PCDHGA11: variants seen among roughly 807,000 people sequenced by gnomAD.
PCDHGA11 encodes the protein protocadherin gamma subfamily A, 11.
PCDHGA11 carries 39 observed loss-of-function variants against 60.4 expected under a neutral mutation model. That is an observed-to-expected ratio of 0.65 (90% CI 0.50 to 0.84). The LOEUF is 0.84. PCDHGA11 is among the 40% of genes least tolerant of loss of function. PCDHGA11 has a pLI of 0.00. For missense variants in PCDHGA11, 1,165 were observed against 1,197.7 expected (o/e 0.97, Z 0.40); for synonymous variants, 533 against 510.3 (o/e 1.04, Z -0.60).
At chr5:141,437,096 C>T (rs989863634) in intron 1 of PCDHGA11, among the ~76,000 whole-genome samples, 6 of 152,122 alleles carry the variant, frequency 3.9e-5, no homozygotes, top group Non-Finnish European at 8.8e-5. Context: ...AAACTAACGG[C>T]TTAGCTTTAG....
rs558730748 is a variant in PCDHGA11, at chr5:141,469,995, G to A, written c.2434-24812G>A. Reference sequence around the variant, plus strand: ...AAAATACAAAAATTAGCTGGTCGTCGTGGCACGCCTGTAATCCCAGCTACT... The same window carrying A: ...AAAATACAAAAATTAGCTGGTCGTCATGGCACGCCTGTAATCCCAGCTACT... On this transcript the variant is annotated intron_variant, in intron 1 of 3. Coordinates refer to ENST00000398587, the MANE Select transcript of PCDHGA11 (RefSeq NM_018914.3). Among the ~76,000 whole-genome samples, 8 of 152,194 alleles carry A rather than the reference G, an allele frequency of 5.3e-5. No homozygotes were observed. In the East Asian group the frequency reaches 5.8e-4, roughly 11 times the overall value.
chr5:141,481,071 A>G (rs887828386), intron 1 of PCDHGA11, among the ~76,000 whole-genome samples: 19 of 152,172 alleles, frequency 1.2e-4, no homozygotes, highest in African/African-American at 4.6e-4. Context: ...AACAAAAAGA[A>G]AGAAAGAAAA....
intron 2 of PCDHGA11, among the ~76,000 whole-genome samples, chr5:141,500,148 G>A (rs936567158): frequency 6.6e-6 from 1 of 150,990 alleles, no homozygotes; most frequent in Non-Finnish European, 1.5e-5. Flanking sequence ...ACTTTTCTTT[G>A]TGTAATCAAA....
chr5:141,441,905 C>G, intron 1 of PCDHGA11: 1 of 348,464 alleles, frequency 2.9e-6, no homozygotes, highest in Non-Finnish European at 5.5e-6. Flanking sequence ...GCTGTAGACG[C>G]AGATGTGAGA....
chr5:141,499,551 A>T (rs1178321389), intron 2 of PCDHGA11, among the ~76,000 whole-genome samples: 1 of 152,200 alleles, frequency 6.6e-6, no homozygotes, highest in Non-Finnish European at 1.5e-5. Flanking sequence ...AACCTGTATG[A>T]TACCACTATC....
In PCDHGA11 at chr5:141,421,751, C is replaced by T. The variant is rs751678934; in HGVS notation, c.524C>T (p.Pro175Leu). 6.2e-7 allele frequency: 1 copy of T among 1,613,932 alleles called. No homozygotes were observed. The highest frequency in any genetic ancestry group is 1.1e-5 in the South Asian group (1 of 91,072). The change falls in exon 1 of 4, where the codon CCT becomes CTT. Residue 175 changes from proline to leucine, a missense_variant. Coordinates refer to ENST00000398587, the MANE Select transcript of PCDHGA11 (RefSeq NM_018914.3). ...VNSLQSYQLS[P>L]NNYFSLQLRG... is the part of the protein sequence containing the mutation. ...TCCCTCCAGAGCTACCAGCTCAGCC[C>T]TAATAATTACTTTTCCTTGCAACTG...
intron 1 of PCDHGA11, among the ~76,000 whole-genome samples, chr5:141,445,531 C>A (rs1476079791): frequency 6.6e-6 from 1 of 152,136 alleles, no homozygotes; most frequent in Non-Finnish European, 1.5e-5. Flanking sequence ...TGATAAAAGC[C>A]AACAAGGAGA....
chr5:141,432,096 A>G lies in PCDHGA11; in HGVS notation c.2433+8436A>G, dbSNP rs763154183. On this transcript the variant is annotated intron_variant, in intron 1 of 3. Transcript: ENST00000398587. This position sits in a 1 kb window ranked among gnomAD's most constrained non-coding sequence, Gnocchi z 6.0. Reference sequence around the variant, plus strand: ...ATCTCGCTGAACGTGGCAGACACCAACGACAACCCGCCGGTCTTCCCTCAG... The same window carrying G: ...ATCTCGCTGAACGTGGCAGACACCAGCGACAACCCGCCGGTCTTCCCTCAG... The G allele has an allele frequency of 1.9e-6, 3 of 1,613,944 alleles. No homozygotes were observed. Among genetic ancestry groups the G allele is most frequent in the East Asian group, 2.2e-5 (1 of 44,870 alleles).
chr5:141,464,980 GATCCT>G (rs2154568684), intron 1 of PCDHGA11, among the ~76,000 whole-genome samples: 1 of 151,990 alleles, frequency 6.6e-6, no homozygotes, highest in East Asian at 1.9e-4. Flanking sequence ...GGCTTCAAGT[GATCCT>G]CCCACCTCAG....
intron 3 of PCDHGA11, among the ~76,000 whole-genome samples, chr5:141,509,693 G>A (rs72790076): frequency 0.024 from 3,613 of 152,246 alleles, 55 homozygotes; most frequent in East Asian, 0.046. Flanking sequence ...ACAGTGGGAC[G>A]TTGGACTGGA....
chr5:141,476,421 C>G lies in PCDHGA11; in HGVS notation c.2434-18386C>G. 1 of 1,614,026 alleles carries G rather than the reference C, an allele frequency of 6.2e-7. No homozygotes were observed. Among genetic ancestry groups the G allele is most frequent in the South Asian group, 1.1e-5 (1 of 91,066 alleles). On this transcript the variant is annotated intron_variant, in intron 1 of 3. Transcript: ENST00000398587. The surrounding 1 kb of genome is among the most constrained non-coding windows in gnomAD (Gnocchi z 7.6). ...CGAGAGGAGCTGTGTGGGACACTGC[C>G]CTCTTGCACTGTAACTCTGGAGTTG...
intron 1 of PCDHGA11, among the ~76,000 whole-genome samples, chr5:141,473,404 T>A (rs953797915): frequency 6.6e-6 from 1 of 152,226 alleles, no homozygotes; most frequent in Non-Finnish European, 1.5e-5. Flanking sequence ...TCTTTTTTTC[T>A]TCTTCAGTGG....
intron 1 of PCDHGA11, among the ~76,000 whole-genome samples, chr5:141,479,846 C>A (rs1350909064): frequency 1.3e-5 from 2 of 152,194 alleles, no homozygotes; most frequent in Admixed American, 6.5e-5. Context: ...TGCAAGGTGA[C>A]TGCAAGGCCT....
rs1431906047 is a variant in PCDHGA11, at chr5:141,485,858, C to T, written c.2434-8949C>T. On this transcript the variant is annotated intron_variant, in intron 1 of 3. Transcript: ENST00000398587. This position sits in a 1 kb window ranked among gnomAD's most constrained non-coding sequence, Gnocchi z 5.7. ...GCCGAGATCTGGCACCGCAGAGCTC[C>T]GGGTATCCGTGCTGGACGTAAACGA... The T allele has an allele frequency of 1.9e-6, 3 of 1,614,162 alleles. No individual in the cohort carries two copies. The highest frequency in any genetic ancestry group is 2.5e-6 in the Non-Finnish European group (3 of 1,180,028).
At chr5:141,439,739 G>A (rs867225156) in intron 1 of PCDHGA11, 4 of 152,312 alleles carry the variant, frequency 2.6e-5, no homozygotes, top group Non-Finnish European at 5.9e-5. Flanking sequence ...GGAACGGAAC[G>A]GATTTACAGG....
intron 1 of PCDHGA11, among the ~76,000 whole-genome samples, chr5:141,435,383 G>A (rs1057246190): frequency 6.6e-6 from 1 of 152,016 alleles, no homozygotes; most frequent in South Asian, 2.1e-4. Flanking sequence ...ACAATATACC[G>A]TATTGCCATG....
Position 141,476,294 on chromosome 5 carries a change from A to G in PCDHGA11, c.2434-18513A>G. 6.2e-7 allele frequency: 1 copy of G among 1,613,036 alleles called. No homozygotes were observed. The highest frequency in any genetic ancestry group is 8.5e-7 in the Non-Finnish European group (1 of 1,179,642). On this transcript the variant is annotated intron_variant, in intron 1 of 3. Transcript: ENST00000398587. The surrounding 1 kb of genome is among the most constrained non-coding windows in gnomAD (Gnocchi z 7.6). ...CGCGAACCTTGGTTTGGATCTCGGT[A>G]GCCTCTCAGCCCGCAGGTTCCGGGT...
intron 1 of PCDHGA11, among the ~76,000 whole-genome samples, chr5:141,443,560 G>A (rs2098394386): frequency 6.6e-6 from 1 of 152,162 alleles, no homozygotes; most frequent in Non-Finnish European, 1.5e-5. Context: ...CAATTCAAAT[G>A]CTTTAAATGG....
At chr5:141,500,618 C>A (rs554274946) in intron 2 of PCDHGA11, among the ~76,000 whole-genome samples, 27 of 152,260 alleles carry the variant, frequency 1.8e-4, no homozygotes, top group African/African-American at 6.5e-4. Context: ...CCCAGTCATA[C>A]GGTACATTTC....
Sources: allele counts gnomAD v4.1 joint callset (sites outside exome capture counted in the v4.1 genomes callset), GRCh38; gene constraint gnomAD v4.1.1; non-coding constraint Gnocchi (gnomAD v3.1); transcripts MANE v1.5; gene names NCBI Gene and HGNC (gene_info 2026-07-23, HGNC 2026-07-21).